ANK3: variants seen among roughly 807,000 people sequenced by gnomAD.
ANK3 encodes the protein ankyrin 3.
A neutral mutation model predicts 370.9 loss-of-function variants in ANK3; 57 were observed. That is an observed-to-expected ratio of 0.15 (90% CI 0.12 to 0.19). The LOEUF (loss-of-function observed/expected upper bound fraction) is 0.19. Among genes scored for constraint, ANK3 ranks in the 10% least tolerant of loss-of-function variants. The probability of loss-of-function intolerance (pLI) is 1.00; values close to 1 mark genes in which losing one functional copy is unlikely to be tolerated. For missense variants in ANK3, 4,439 were observed against 5,302.1 expected (o/e 0.84, Z 5.06); for synonymous variants, 1,929 against 1,946.3 (o/e 0.99, Z 0.23).
At chr10:60,172,864 C>T (rs779413762) in intron 20 of ANK3, 36 bp downstream of exon 20, 4 of 1,420,838 alleles carry the variant, frequency 2.8e-6, no homozygotes, top group Non-Finnish European at 4.0e-6. Context: ...CCATCTATCT[C>T]CTCCCTCTTC....
chr10:60,666,870 A>T (rs1181165560), intron 1 of ANK3, among the ~76,000 whole-genome samples: 1 of 152,136 alleles, frequency 6.6e-6, no homozygotes, highest in Non-Finnish European at 1.5e-5. Context: ...TAAATCTTTT[A>T]GTTAATAATA....
intron 40 of ANK3, chr10:60,059,774 C>T: frequency 1.2e-6 from 2 of 1,614,168 alleles, no homozygotes; most frequent in Non-Finnish European, 1.7e-6. Context: ...CTGAGTCTTC[C>T]AGTTTGCTGT....
At chr10:60,713,607 C>T (rs145592863) in intron 1 of ANK3, among the ~76,000 whole-genome samples, 1 of 152,000 alleles carries the variant, frequency 6.6e-6, no homozygotes, top group Admixed American at 6.6e-5. Flanking sequence ...AAAATTACAA[C>T]AGGCTGGGTG....
At chr10:60,084,109 C>G (rs1262153548) in intron 32 of ANK3, 1 of 153,312 alleles carries the variant, frequency 6.5e-6, no homozygotes, top group Non-Finnish European at 1.4e-5. Flanking sequence ...CCCAGAGACA[C>G]TTAAAATAAT....
At position 60,135,580 on chromosome 10, in the gene ANK3, A is replaced by G. The variant is rs181574340; in HGVS notation, c.2739-1207T>C. On this transcript the variant is annotated intron_variant, in intron 24 of 43. Coordinates refer to ENST00000280772, the MANE Select transcript of ANK3 (RefSeq NM_020987.5). Reference sequence around the variant, plus strand: ...CCTTTCACTTCTTCTTTCACTGCCTATATAATTAAAAAACCATCTGGATCT... The same window carrying G: ...CCTTTCACTTCTTCTTTCACTGCCTGTATAATTAAAAAACCATCTGGATCT... 4.6e-5 allele frequency among the ~76,000 whole-genome samples: 7 copies of G among 152,340 alleles called. No individual in the cohort carries two copies. The East Asian group carries it at 1.3e-3, about 29-fold the overall frequency.
chr10:60,443,541 C>T (rs1294623273), intron 2 of ANK3, among the ~76,000 whole-genome samples: 2 of 152,160 alleles, frequency 1.3e-5, no homozygotes, highest in South Asian at 4.1e-4. Flanking sequence ...TTACTGCCAA[C>T]ATAAACTCCT....
At chr10:60,200,990 A>C (rs567859518) in intron 12 of ANK3, among the ~76,000 whole-genome samples, 4 of 152,388 alleles carry the variant, frequency 2.6e-5, no homozygotes, top group Admixed American at 2.0e-4. Flanking sequence ...ATGGTATTAG[A>C]AACAGATACA....
At chr10:60,359,854 T>G (rs535689491) in intron 1 of ANK3, among the ~76,000 whole-genome samples, 28 of 152,344 alleles carry the variant, frequency 1.8e-4, no homozygotes, top group African/African-American at 6.5e-4. Context: ...CACATGCCAA[T>G]TTGAATGAAG....
chr10:60,584,706 C>T (rs1567164599), intron 2 of ANK3, among the ~76,000 whole-genome samples: 1 of 152,204 alleles, frequency 6.6e-6, no homozygotes, highest in Admixed American at 6.5e-5. Context: ...CTAATCTACA[C>T]CTTTCCTGAG....
intron 2 of ANK3, among the ~76,000 whole-genome samples, chr10:60,537,229 T>G (rs1300167576): frequency 6.6e-6 from 1 of 152,056 alleles, no homozygotes; most frequent in Non-Finnish European, 1.5e-5. Context: ...TTTGCTGAAA[T>G]GCCTTTGTTA....
chr10:60,291,577 C>A (rs1173118450), intron 1 of ANK3, among the ~76,000 whole-genome samples: 1 of 151,970 alleles, frequency 6.6e-6, no homozygotes, highest in East Asian at 1.9e-4. Context: ...TGATATTATG[C>A]AATGCACAAA....
At chr10:60,278,990 G>T in intron 3 of ANK3, 60 bp downstream of exon 3, 1 of 1,579,720 alleles carries the variant, frequency 6.3e-7, no homozygotes, top group Non-Finnish European at 8.7e-7. Context: ...TCTTACTGAG[G>T]GCTGAATCCT....
At chr10:60,225,951 T>C (rs1338365720) in intron 8 of ANK3, among the ~76,000 whole-genome samples, 2 of 149,562 alleles carry the variant, frequency 1.3e-5, no homozygotes, top group African/African-American at 4.9e-5. Context: ...AAAATGTGTA[T>C]CTTTAACTTA....
intron 1 of ANK3, among the ~76,000 whole-genome samples, chr10:60,643,858 TC>T (rs771347972): frequency 1.6e-4 from 25 of 152,288 alleles, no homozygotes; most frequent in South Asian, 8.3e-4. Context: ...AAAATCTTTA[TC>T]ATTCCCAGAG....
At chr10:60,515,763 A>C (rs1450678092) in intron 2 of ANK3, among the ~76,000 whole-genome samples, 1 of 152,140 alleles carries the variant, frequency 6.6e-6, no homozygotes, top group Admixed American at 6.6e-5. Context: ...TTAGGAATCA[A>C]AGAAAGCAGC....
intron 2 of ANK3, among the ~76,000 whole-genome samples, chr10:60,614,109 T>C (rs2078237138): frequency 6.6e-6 from 1 of 152,108 alleles, no homozygotes. Context: ...CAGAATTGTG[T>C]AGCGAATATG....
intron 2 of ANK3, among the ~76,000 whole-genome samples, chr10:60,453,595 G>A (rs541597343): frequency 1.3e-5 from 2 of 152,278 alleles, no homozygotes; most frequent in South Asian, 2.1e-4. Context: ...AAAAATGGCT[G>A]AATAAATGTC....
At position 60,652,693 on chromosome 10, in the gene ANK3, T is replaced by TAA. The variant is rs35856343; in HGVS notation, c.58-37471_58-37470dup. Among the ~76,000 whole-genome samples the TAA allele has an allele frequency of 6.2e-3, 843 of 135,586 alleles. 4 individuals carry two copies. The highest frequency in any genetic ancestry group is 0.022 in the South Asian group (97 of 4,312). The allele number at this position is 135,586 out of a possible 152,430, so 88.9% of individuals were successfully genotyped here. A position where few individuals can be genotyped will look rare whatever the true frequency, so the allele number is the denominator to read the frequency against. ...AGGTGACACCCTTCCAGGCAAAATG[T>TAA]AAAAAAAAAAAAAAAAACTAAACTG... On this transcript the variant is annotated intron_variant, in intron 1 of 43. Transcript: ENST00000373827.
intron 2 of ANK3, among the ~76,000 whole-genome samples, chr10:60,488,951 A>G (rs2075420825): frequency 6.6e-6 from 1 of 152,148 alleles, no homozygotes; most frequent in South Asian, 2.1e-4. Flanking sequence ...AATTTTGCTC[A>G]TTTTCATGAA....
Sources: gnomAD v4.1 joint callset for allele counts (sites outside exome capture counted in the v4.1 genomes callset) on GRCh38, gnomAD v4.1.1 for gene constraint, MANE v1.5 for transcripts, NCBI Gene and HGNC (gene_info 2026-07-23, HGNC 2026-07-21) for gene names.